HERC1: variants seen among roughly 807,000 people sequenced by gnomAD.
HERC1 encodes HECT and RLD domain containing E3 ubiquitin protein ligase family member 1, also known as probable E3 ubiquitin-protein ligase HERC1.
HERC1 carries 160 observed loss-of-function variants against 554.3 expected under a neutral mutation model. The observed-to-expected ratio is 0.29, with a 90% CI of 0.25 to 0.33. HERC1 has a LOEUF of 0.33. HERC1 is among the 10% of genes least tolerant of loss of function. The probability of loss-of-function intolerance (pLI) is 1.00; values close to 1 mark genes in which losing one functional copy is unlikely to be tolerated. For missense variants in HERC1, 4,919 were observed against 5,918.5 expected (o/e 0.83, Z 5.54); for synonymous variants, 2,175 against 2,131.7 (o/e 1.02, Z -0.56).
At chr15:63,726,354 C>T (rs1315660178) in intron 17 of HERC1, among the ~76,000 whole-genome samples, 3 of 151,906 alleles carry the variant, frequency 2.0e-5, no homozygotes, top group African/African-American at 7.3e-5. Context: ...CTATAAGGAA[C>T]ACATACCAAT....
At chr15:63,666,584 C>T in intron 40 of HERC1, 112 bp from the exon 41 acceptor site, 2 of 675,096 alleles carry the variant, frequency 3.0e-6, no homozygotes, top group South Asian at 1.9e-5. Context: ...TGAAATTTTC[C>T]TCTACTCAGA....
rs1352601552 is a variant in HERC1, at chr15:63,625,973, C to A, written c.13275+12G>T. 6.2e-7 allele frequency: 1 copy of A among 1,601,252 alleles called. No individual in the cohort carries two copies. The highest frequency in any genetic ancestry group is 1.7e-5 in the Admixed American group (1 of 57,970). ...AGTCTGTGCCTGGCTGCTTACCACGCCAGTCTGTTACCTGGTTGTTGGGGC... is the reference window on the plus strand; with the variant it reads ...AGTCTGTGCCTGGCTGCTTACCACGACAGTCTGTTACCTGGTTGTTGGGGC... On this transcript the variant is annotated intron_variant, in intron 71 of 77. Coordinates refer to ENST00000443617, the MANE Select transcript of HERC1 (RefSeq NM_003922.4).
At chr15:63,610,283 A>C (rs1195239501) in intron 77 of HERC1, among the ~76,000 whole-genome samples, 2 of 152,216 alleles carry the variant, frequency 1.3e-5, no homozygotes, top group African/African-American at 4.8e-5. Flanking sequence ...GTGATGACAC[A>C]GCTCAACGCA....
intron 40 of HERC1, 75 bp from the exon 41 acceptor site, chr15:63,666,547 C>A: frequency 1.1e-6 from 1 of 950,068 alleles, no homozygotes; most frequent in South Asian, 1.5e-5. Flanking sequence ...TCATAGTCCT[C>A]AATTTCCTAG....
intron 66 of HERC1, among the ~76,000 whole-genome samples, chr15:63,634,530 G>A (rs539543671): frequency 3.9e-5 from 6 of 152,250 alleles, no homozygotes; most frequent in Admixed American, 3.9e-4. Context: ...ACATTTGTTG[G>A]TTTGTCACAT....
At chr15:63,688,596 T>C (rs1197342050) in intron 33 of HERC1, among the ~76,000 whole-genome samples, 5 of 152,088 alleles carry the variant, frequency 3.3e-5, no homozygotes, top group South Asian at 2.1e-4. Flanking sequence ...TGAGAAGGAA[T>C]GGGGATTAAT....
At chr15:63,728,464 G>C (rs992325354) in intron 16 of HERC1, among the ~76,000 whole-genome samples, 8 of 152,168 alleles carry the variant, frequency 5.3e-5, no homozygotes, top group African/African-American at 1.9e-4. Context: ...CAGCCAAATG[G>C]AGGTATCTAA....
At chr15:63,660,375 T>C (rs907180494) in intron 46 of HERC1, among the ~76,000 whole-genome samples, 1 of 152,138 alleles carries the variant, frequency 6.6e-6, no homozygotes, top group African/African-American at 2.4e-5. Context: ...AAAATGCAGA[T>C]GGACTGAAAG....
intron 1 of HERC1, among the ~76,000 whole-genome samples, chr15:63,816,633 A>C (rs2145548484): frequency 6.6e-6 from 1 of 152,348 alleles, no homozygotes; most frequent in Middle Eastern, 3.4e-3. Context: ...CTTTAAATAA[A>C]GTGTATTTAT....
At chr15:63,791,723 T>G (rs149119833) in intron 1 of HERC1, among the ~76,000 whole-genome samples, 1 of 152,330 alleles carries the variant, frequency 6.6e-6, no homozygotes, top group African/African-American at 2.4e-5. Flanking sequence ...TGTAAGCCCA[T>G]TCACACCAAC....
chr15:63,693,277 T>G (rs1441262925), intron 30 of HERC1, among the ~76,000 whole-genome samples: 2 of 149,406 alleles, frequency 1.3e-5, no homozygotes, highest in African/African-American at 4.9e-5. Flanking sequence ...AGGCTCTCGC[T>G]CTGTCATCCA....
intron 1 of HERC1, among the ~76,000 whole-genome samples, chr15:63,826,814 A>AAAAAAATATAT (rs1567168622): frequency 4.5e-5 from 1 of 22,240 alleles, no homozygotes; most frequent in African/African-American, 1.3e-4. Context: ...AAAAAAAAAA[A>AAAAAAATATAT]ATATATATAT....
intron 1 of HERC1, among the ~76,000 whole-genome samples, chr15:63,801,321 C>A (rs1234738181): frequency 1.3e-5 from 2 of 152,200 alleles, no homozygotes; most frequent in South Asian, 2.1e-4. Context: ...ATACATGCAA[C>A]TGGCATCTGA....
At chr15:63,710,170 C>T (rs1317680483) in intron 24 of HERC1, among the ~76,000 whole-genome samples, 1 of 152,190 alleles carries the variant, frequency 6.6e-6, no homozygotes, top group Non-Finnish European at 1.5e-5. Context: ...TAGATTTGAT[C>T]AGTCTGTAAT....
At chr15:63,726,551 A>C (rs1030055755) in intron 17 of HERC1, among the ~76,000 whole-genome samples, 1 of 152,226 alleles carries the variant, frequency 6.6e-6, no homozygotes, top group African/African-American at 2.4e-5. Context: ...AAAACCATGA[A>C]TATTACAAAT....
At position 63,829,479 on chromosome 15, in the gene HERC1, A is replaced by ATATATATAT. The variant is rs1555455605; in HGVS notation, c.-27+4347_-27+4348insATATATATA. Among the ~76,000 whole-genome samples the ATATATATAT allele has an allele frequency of 4.0e-3, 350 of 87,570 alleles. 5 individuals are homozygous for ATATATATAT. The highest frequency in any genetic ancestry group is 4.6e-3 in the African/African-American group (82 of 17,852). 57.4% of individuals were successfully genotyped at this position (87,570 alleles called of 152,430 possible). A position where few individuals can be genotyped will look rare whatever the true frequency, so the allele number is the denominator to read the frequency against. ...GTGTGTGCACATATATGTTTATATA[A>ATATATATAT]ATATATATATATATATATATACACA... On this transcript the variant is annotated intron_variant, in intron 1 of 77. Transcript: ENST00000443617.
chr15:63,655,417 C>T (rs536624050), intron 50 of HERC1, among the ~76,000 whole-genome samples: 71 of 152,244 alleles, frequency 4.7e-4, no homozygotes, highest in African/African-American at 1.4e-3. Context: ...AAGAGAAAGG[C>T]AGTACTGATA....
intron 11 of HERC1, 28 bp downstream of exon 11, chr15:63,747,696 A>G (rs1180347796): frequency 7.0e-7 from 1 of 1,426,244 alleles, no homozygotes; most frequent in Non-Finnish European, 9.7e-7. Context: ...ACACACACAC[A>G]AAGATACAAA....
intron 25 of HERC1, among the ~76,000 whole-genome samples, chr15:63,701,786 T>C (rs1433840037): frequency 6.6e-6 from 1 of 152,138 alleles, no homozygotes; most frequent in Admixed American, 6.5e-5. Flanking sequence ...CAAAAATTTA[T>C]AATATGGAAA....
Sources: gnomAD v4.1 joint callset for allele counts (sites outside exome capture counted in the v4.1 genomes callset) on GRCh38, gnomAD v4.1.1 for gene constraint, MANE v1.5 for transcripts, NCBI Gene and HGNC (gene_info 2026-07-23, HGNC 2026-07-21) for gene names.